The following SEZ6L variants were observed in gnomAD, a reference collection of about 807,000 sequenced individuals.
SEZ6L encodes the protein seizure related 6 homolog like, also known as seizure 6-like protein.
Under a neutral mutation model 106.2 loss-of-function variants are expected in SEZ6L, and 37 were observed. The observed-to-expected ratio is 0.35, with a 90% CI of 0.27 to 0.46. The LOEUF is 0.46. Ranked by LOEUF, SEZ6L falls within the 20% of genes least tolerant of loss-of-function variation. The probability of loss-of-function intolerance (pLI) is 1.00; values close to 1 mark genes in which losing one functional copy is unlikely to be tolerated. For missense variants in SEZ6L, 1,172 were observed against 1,332.8 expected (o/e 0.88, Z 1.88); for synonymous variants, 541 against 570.4 (o/e 0.95, Z 0.73).
Position 26,247,606 on chromosome 22 carries a change from G to A in SEZ6L, c.95-44800G>A, listed in dbSNP as rs5997058. ...GGGGCCACCATACTGAAAGACACAAGGAAGGATTCTTCCCCGGAGCCTACA... is the reference window on the plus strand; with the variant it reads ...GGGGCCACCATACTGAAAGACACAAAGAAGGATTCTTCCCCGGAGCCTACA... On this transcript the variant is annotated intron_variant, in intron 1 of 16. Coordinates refer to ENST00000248933, the MANE Select transcript of SEZ6L (RefSeq NM_021115.5). Among the ~76,000 whole-genome samples, 48 of 152,256 alleles carry A rather than the reference G, an allele frequency of 3.2e-4. 2 individuals carry two copies. Among genetic ancestry groups the A allele is most frequent in the African/African-American group, 9.6e-4 (40 of 41,550 alleles).
At chr22:26,200,338 G>GT (rs2145676594) in intron 1 of SEZ6L, among the ~76,000 whole-genome samples, 1 of 152,278 alleles carries the variant, frequency 6.6e-6, no homozygotes, top group African/African-American at 2.4e-5. Context: ...CATCCTTTCA[G>GT]TAATTTTTTT....
chr22:26,253,070 T>C (rs1432797777), intron 1 of SEZ6L, among the ~76,000 whole-genome samples: 1 of 152,228 alleles, frequency 6.6e-6, no homozygotes, highest in African/African-American at 2.4e-5. Context: ...GAGTGAATTA[T>C]TTCATTTAAT....
intron 4 of SEZ6L, among the ~76,000 whole-genome samples, chr22:26,298,399 G>C (rs563444438): frequency 4.0e-4 from 61 of 152,282 alleles, no homozygotes; most frequent in African/African-American, 1.4e-3. Context: ...TGCGAAGGAG[G>C]CTCTTTCTCT....
At chr22:26,193,111 A>G (rs985388626) in intron 1 of SEZ6L, among the ~76,000 whole-genome samples, 1 of 152,206 alleles carries the variant, frequency 6.6e-6, no homozygotes, top group South Asian at 2.1e-4. Context: ...TTTCCTATAT[A>G]AAAAGAGGTT....
intron 1 of SEZ6L, among the ~76,000 whole-genome samples, chr22:26,286,303 G>A (rs1376328832): frequency 2.0e-5 from 3 of 152,170 alleles, no homozygotes; most frequent in African/African-American, 7.2e-5. Context: ...TGCATTCCTA[G>A]ACCTCTCAAT....
intron 9 of SEZ6L, 69 bp from the exon 10 acceptor site, chr22:26,340,366 AG>A: frequency 4.9e-6 from 7 of 1,434,602 alleles, no homozygotes; most frequent in Non-Finnish European, 6.6e-6. Context: ...TGCCTGAAAA[AG>A]TTAATCAAGG....
At chr22:26,236,674 G>A (rs983338751) in intron 1 of SEZ6L, among the ~76,000 whole-genome samples, 1 of 152,184 alleles carries the variant, frequency 6.6e-6, no homozygotes, top group Non-Finnish European at 1.5e-5. Context: ...AGAGGAGGGG[G>A]CTGAGAGAGA....
chr22:26,302,432 T>A (rs932285235), intron 5 of SEZ6L, among the ~76,000 whole-genome samples: 2 of 152,170 alleles, frequency 1.3e-5, no homozygotes, highest in Non-Finnish European at 2.9e-5. Context: ...AAAGTCCTGA[T>A]GGTGGTTGAG....
chr22:26,278,715 G>A (rs1174631908), intron 1 of SEZ6L, among the ~76,000 whole-genome samples: 2 of 151,146 alleles, frequency 1.3e-5, no homozygotes, highest in East Asian at 3.9e-4. Flanking sequence ...AATGAAATGT[G>A]TTCCATCATT....
At chr22:26,257,238 T>G (rs967414313) in intron 1 of SEZ6L, among the ~76,000 whole-genome samples, 2 of 152,264 alleles carry the variant, frequency 1.3e-5, no homozygotes, top group Middle Eastern at 3.4e-3. Flanking sequence ...TCTAGGTAAA[T>G]GCACCTAAGC....
At chr22:26,314,901 C>A (rs562913076) in intron 9 of SEZ6L, among the ~76,000 whole-genome samples, 11 of 152,346 alleles carry the variant, frequency 7.2e-5, no homozygotes, top group African/African-American at 2.2e-4. Flanking sequence ...GAAATTCAGG[C>A]TTCTGTGGCT....
rs751381332 is a variant in SEZ6L at position 26,292,442 on chromosome 22, C to G, written c.131C>G (p.Pro44Arg). 2 of 1,613,682 alleles carry G rather than the reference C, an allele frequency of 1.2e-6. No homozygotes were observed. Among genetic ancestry groups the G allele is most frequent in the Non-Finnish European group, 1.7e-6 (2 of 1,179,880 alleles). ...GAGGGAGATGCTAGCCCTTTGGGTC[C>G]TTACCTCCTGCCCTCAGGAGCCCCG... is the stretch of plus-strand genomic sequence containing the variant. ...LPEGDASPLG[P>R]YLLPSGAPER... Residue 44 changes from proline to arginine, a missense_variant, in exon 2 of 17, where the codon CCT becomes CGT. Transcript: ENST00000248933.
At chr22:26,337,445 T>C (rs1051052062) in intron 9 of SEZ6L, among the ~76,000 whole-genome samples, 4 of 152,232 alleles carry the variant, frequency 2.6e-5, no homozygotes, top group Non-Finnish European at 5.9e-5. Context: ...CCATCTACCA[T>C]GTTTCACACT....
intron 9 of SEZ6L, among the ~76,000 whole-genome samples, chr22:26,317,040 A>C (rs909906011): frequency 1.4e-4 from 21 of 152,126 alleles, no homozygotes; most frequent in African/African-American, 5.1e-4. Context: ...AACATCTACA[A>C]AGCCTGGAAA....
At chr22:26,239,570 C>T (rs541457640) in intron 1 of SEZ6L, among the ~76,000 whole-genome samples, 2 of 152,296 alleles carry the variant, frequency 1.3e-5, no homozygotes, top group Admixed American at 6.5e-5. Context: ...AAAGTTCTTT[C>T]CCTCAGCCTT....
intron 1 of SEZ6L, among the ~76,000 whole-genome samples, chr22:26,281,974 T>C (rs757336599): frequency 6.6e-6 from 1 of 152,230 alleles, no homozygotes; most frequent in South Asian, 2.1e-4. Flanking sequence ...ACCTGGATAT[T>C]CTGTAATTGA....
At chr22:26,314,192 A>G (rs1261029810) in intron 9 of SEZ6L, among the ~76,000 whole-genome samples, 1 of 152,202 alleles carries the variant, frequency 6.6e-6, no homozygotes, top group East Asian at 1.9e-4. Flanking sequence ...AAATAATTGC[A>G]TACTCTAACT....
Position 26,351,274 on chromosome 22 carries a change from G to A in SEZ6L, c.2599+31G>A, listed in dbSNP as rs374004924. ...TCCTGTTTAATGAATTGGGCCCCCA[G>A]TAGGTAGAAGCAGATTCACTTTCTC... On this transcript the variant is annotated intron_variant, in intron 12 of 16. Coordinates refer to ENST00000248933, the MANE Select transcript of SEZ6L (RefSeq NM_021115.5). 69 of 1,599,118 alleles carry A rather than the reference G, an allele frequency of 4.3e-5. No homozygotes were observed. The African/African-American group carries it at 7.9e-4, about 18-fold the overall frequency.
At chr22:26,281,886 T>TAA (rs2080782266) in intron 1 of SEZ6L, among the ~76,000 whole-genome samples, 1 of 152,226 alleles carries the variant, frequency 6.6e-6, no homozygotes, top group African/African-American at 2.4e-5. Context: ...TTTTTAACAT[T>TAA]ACGGAATCCT....
Sources: gnomAD v4.1 joint callset for allele counts (sites outside exome capture counted in the v4.1 genomes callset) on GRCh38, gnomAD v4.1.1 for gene constraint, MANE v1.5 for transcripts, NCBI Gene and HGNC (gene_info 2026-07-23, HGNC 2026-07-21) for gene names.